The following CTNNA1 variants were observed in gnomAD, a reference collection of about 807,000 sequenced individuals.
CTNNA1 encodes catenin alpha-1.
Under a neutral mutation model 98.4 loss-of-function variants are expected in CTNNA1, and 37 were observed. That is an observed-to-expected ratio of 0.38 (90% CI 0.29 to 0.49). The LOEUF is 0.49. Ranked by LOEUF, CTNNA1 falls within the 20% of genes least tolerant of loss-of-function variation. The pLI is 0.95. For missense variants in CTNNA1, 761 were observed against 1,147.2 expected, an observed-to-expected ratio of 0.66 and a Z score of 4.86; for synonymous variants, 404 against 413.2, an observed-to-expected ratio of 0.98 and a Z score of 0.27.
chr5:138,923,807 G>C (rs1274025715), intron 11 of CTNNA1, among the ~76,000 whole-genome samples: 1 of 152,164 alleles, frequency 6.6e-6, no homozygotes, highest in Non-Finnish European at 1.5e-5. Flanking sequence ...CAGGCTTTTT[G>C]CTTTGAGGAA....
chr5:138,776,039 CTTTTTTTTTTTT>C (rs57467422), intron 1 of CTNNA1, among the ~76,000 whole-genome samples: 6 of 83,882 alleles, frequency 7.2e-5, no homozygotes, highest in Non-Finnish European at 1.3e-4. Flanking sequence ...GGAAATGTTT[CTTTTTTTTTTTT>C]TTTTTTTTTT....
intron 11 of CTNNA1, among the ~76,000 whole-genome samples, chr5:138,920,134 A>G (rs1227872859): frequency 6.6e-6 from 1 of 151,928 alleles, no homozygotes; most frequent in Non-Finnish European, 1.5e-5. Flanking sequence ...GCTTGCCACC[A>G]TGCCTGGCTA....
intron 3 of CTNNA1, among the ~76,000 whole-genome samples, chr5:138,788,011 G>A (rs778042649): frequency 3.3e-5 from 5 of 152,162 alleles, no homozygotes; most frequent in African/African-American, 9.7e-5. Context: ...AATCTGCTTC[G>A]TTTTTGAGTA....
intron 13 of CTNNA1, among the ~76,000 whole-genome samples, chr5:138,928,093 C>G (rs1229059723): frequency 1.3e-5 from 2 of 152,156 alleles, no homozygotes; most frequent in Non-Finnish European, 1.5e-5. Context: ...AACCTCACTG[C>G]AAGTCCTTGG....
chr5:138,931,219 C>G (rs968338491), intron 16 of CTNNA1: 1 of 414,046 alleles, frequency 2.4e-6, no homozygotes, highest in African/African-American at 2.0e-5. Flanking sequence ...CAGCCAGAAG[C>G]CATGTGGCCA....
chr5:138,925,524 C>A, intron 13 of CTNNA1, 117 bp downstream of exon 13: 1 of 1,369,692 alleles, frequency 7.3e-7, no homozygotes, highest in Non-Finnish European at 9.8e-7. Context: ...AACCATGAAT[C>A]TAAAAGCTGT....
chr5:138,830,234 C>G (rs946723218), intron 7 of CTNNA1, among the ~76,000 whole-genome samples: 1 of 150,950 alleles, frequency 6.6e-6, no homozygotes, highest in Non-Finnish European at 1.5e-5. Flanking sequence ...GGTGTGGGGG[C>G]CCCTGTAGTC....
Position 138,919,787 on chromosome 5 carries a change from A to T in CTNNA1, c.1546+1889A>T, listed in dbSNP as rs561781149. Among the ~76,000 whole-genome samples the T allele has an allele frequency of 5.9e-5, 9 of 152,228 alleles. No individual in the cohort carries two copies. The South Asian group carries it at 1.9e-3, about 32-fold the overall frequency. ...ATGTTCTGTCACAGCCCTGCTTAGGAATGTTACGTAATTAAATCATTAATA... is the reference window on the plus strand; with the variant it reads ...ATGTTCTGTCACAGCCCTGCTTAGGTATGTTACGTAATTAAATCATTAATA... On this transcript the variant is annotated intron_variant, in intron 11 of 17. Coordinates refer to ENST00000302763, the MANE Select transcript of CTNNA1 (RefSeq NM_001903.5).
At chr5:138,858,285 C>G (rs563219445) in intron 7 of CTNNA1, among the ~76,000 whole-genome samples, 18 of 152,048 alleles carry the variant, frequency 1.2e-4, no homozygotes, top group Non-Finnish European at 2.1e-4. Context: ...CACCACCATA[C>G]CTGGTTAATT....
At chr5:138,876,521 G>A (rs1047661040) in intron 7 of CTNNA1, among the ~76,000 whole-genome samples, 6 of 152,138 alleles carry the variant, frequency 3.9e-5, no homozygotes, top group African/African-American at 7.2e-5. Flanking sequence ...ATATTTTCAG[G>A]CCTGACAAAG....
chr5:138,920,698 A>T (rs539187900), intron 11 of CTNNA1, among the ~76,000 whole-genome samples: 1 of 152,272 alleles, frequency 6.6e-6, no homozygotes, highest in Non-Finnish European at 1.5e-5. Context: ...CCACCATCAA[A>T]TTCTCTTACA....
intron 16 of CTNNA1, 48 bp downstream of exon 16, chr5:138,930,983 C>A: frequency 8.2e-7 from 1 of 1,226,492 alleles, no homozygotes; most frequent in Non-Finnish European, 1.2e-6. Context: ...TCCTGGGGCT[C>A]AGGCAGCCCA....
At chr5:138,811,315 G>A (rs373632436) in intron 4 of CTNNA1, among the ~76,000 whole-genome samples, 8 of 96,212 alleles carry the variant, frequency 8.3e-5, no homozygotes, top group African/African-American at 2.9e-4. Flanking sequence ...CATCTCAGAC[G>A]ATGGGCGGCC....
chr5:138,930,975 C>A, intron 16 of CTNNA1, 40 bp downstream of exon 16: 1 of 1,383,572 alleles, frequency 7.2e-7, no homozygotes, highest in Non-Finnish European at 1.0e-6. Context: ...CAAGCTCCTC[C>A]TGGGGCTCAG....
chr5:138,821,061 GTGAC>G (rs916573400), intron 5 of CTNNA1, among the ~76,000 whole-genome samples: 2 of 152,330 alleles, frequency 1.3e-5, no homozygotes, highest in Admixed American at 1.3e-4. Context: ...TAACAACTGA[GTGAC>G]TGAACCACTT....
chr5:138,861,155 G>A (rs1035650829), intron 7 of CTNNA1, among the ~76,000 whole-genome samples: 6 of 152,028 alleles, frequency 3.9e-5, no homozygotes, highest in Middle Eastern at 3.4e-3. Flanking sequence ...TGAGTGGCTG[G>A]GATTACAGGC....
chr5:138,776,482 C>T (rs1345358498), intron 1 of CTNNA1, among the ~76,000 whole-genome samples: 12 of 152,364 alleles, frequency 7.9e-5, no homozygotes, highest in Admixed American at 2.0e-4. Context: ...TTTATCAATC[C>T]TTTGCCCGCC....
At chr5:138,775,388 C>T (rs1753993339) in intron 1 of CTNNA1, among the ~76,000 whole-genome samples, 1 of 152,136 alleles carries the variant, frequency 6.6e-6, no homozygotes, top group African/African-American at 2.4e-5. Context: ...AAGTGTAGGC[C>T]TGACGTCACA....
intron 7 of CTNNA1, among the ~76,000 whole-genome samples, chr5:138,879,778 TTTTGTTATCTTG>T (rs1377608569): frequency 1.3e-5 from 2 of 152,216 alleles, no homozygotes; most frequent in Admixed American, 6.5e-5. Context: ...TTTAAAGTCC[TTTTGTTATCTTG>T]TTAGTAAACA....
Sources: gnomAD v4.1 joint callset for allele counts (sites outside exome capture counted in the v4.1 genomes callset) on GRCh38, gnomAD v4.1.1 for gene constraint, MANE v1.5 for transcripts, NCBI Gene and HGNC (gene_info 2026-07-23, HGNC 2026-07-21) for gene names.